Variants in SPOCK1 observed in about 807,000 individuals in gnomAD.
The protein encoded by SPOCK1 is testican-1.
In SPOCK1, 23 loss-of-function variants were observed where a neutral mutation model predicts 55.3. The observed-to-expected ratio is 0.42, with a 90% confidence interval of 0.30 to 0.59. The LOEUF (loss-of-function observed/expected upper bound fraction) is 0.59. Ranked by LOEUF, SPOCK1 falls within the 20% of genes least tolerant of loss-of-function variation. The pLI is 0.22. For synonymous variants in SPOCK1, 226 were observed against 221.0 expected (o/e 1.02, Z -0.20); for missense variants, 499 against 552.5 (o/e 0.90, Z 0.97).
chr5:137,174,991 T>C (rs1256501425), intron 3 of SPOCK1, among the ~76,000 whole-genome samples: 4 of 152,202 alleles, frequency 2.6e-5, no homozygotes, highest in Non-Finnish European at 5.9e-5. Context: ...CAAACCCATG[T>C]ACCCGACCAC....
intron 2 of SPOCK1, among the ~76,000 whole-genome samples, chr5:137,275,159 T>C (rs558081752): frequency 1.3e-5 from 2 of 152,354 alleles, no homozygotes; most frequent in African/African-American, 2.4e-5. Flanking sequence ...TGCCATCTTA[T>C]AGCTTATAGC....
chr5:137,455,985 A>C (rs1019431460), intron 2 of SPOCK1, among the ~76,000 whole-genome samples: 7 of 152,148 alleles, frequency 4.6e-5, no homozygotes, highest in African/African-American at 1.4e-4. Context: ...CTATGATCAC[A>C]CCACTGCACT....
intron 5 of SPOCK1, among the ~76,000 whole-genome samples, chr5:137,077,034 C>G (rs1373169940): frequency 2.0e-5 from 3 of 152,154 alleles, no homozygotes; most frequent in Admixed American, 6.5e-5. Flanking sequence ...TGCCATTCTC[C>G]TGCCTCACCC....
At chr5:137,462,596 A>C (rs181992947) in intron 2 of SPOCK1, among the ~76,000 whole-genome samples, 4 of 152,310 alleles carry the variant, frequency 2.6e-5, no homozygotes, top group Non-Finnish European at 1.5e-5. Context: ...CCTTATCTGA[A>C]AAAAATGAGG....
At chr5:137,074,246 T>C (rs886279675) in intron 5 of SPOCK1, among the ~76,000 whole-genome samples, 3 of 152,220 alleles carry the variant, frequency 2.0e-5, no homozygotes, top group Non-Finnish European at 2.9e-5. Flanking sequence ...CTAATAATTA[T>C]TATACAAAAC....
intron 3 of SPOCK1, among the ~76,000 whole-genome samples, chr5:137,162,021 T>C (rs1278842836): frequency 6.6e-6 from 1 of 152,200 alleles, no homozygotes; most frequent in African/African-American, 2.4e-5. Flanking sequence ...ATCTTTACTT[T>C]CAAGCTGGTA....
chr5:137,309,549 A>T (rs1370049838), intron 2 of SPOCK1, among the ~76,000 whole-genome samples: 4 of 152,174 alleles, frequency 2.6e-5, no homozygotes, highest in African/African-American at 9.7e-5. Context: ...TGGGACATGC[A>T]CTAAACACAT....
At chr5:136,993,817 C>T (rs1750992349) in intron 6 of SPOCK1, among the ~76,000 whole-genome samples, 2 of 152,320 alleles carry the variant, frequency 1.3e-5, no homozygotes, top group South Asian at 4.1e-4. Context: ...AAGGAGTAGA[C>T]ACAGCCTCAC....
chr5:137,468,093 A>C lies in SPOCK1; in HGVS notation c.186+30280T>G, dbSNP rs115091753. On this transcript the variant is annotated intron_variant, in intron 2 of 10. Transcript: ENST00000394945. Reference sequence around the variant, plus strand: ...CAATAGGACACACTGTCCCTAATCAAAATGAGATCTCACTCCAATGGATTG... The same window carrying C: ...CAATAGGACACACTGTCCCTAATCACAATGAGATCTCACTCCAATGGATTG... Among the ~76,000 whole-genome samples, 577 of 152,320 alleles carry C rather than the reference A, an allele frequency of 3.8e-3. 2 individuals carry two copies. Among genetic ancestry groups the C allele is most frequent in the African/African-American group, 0.013 (525 of 41,558 alleles).
intron 6 of SPOCK1, among the ~76,000 whole-genome samples, chr5:137,008,198 TTGA>T (rs1471133210): frequency 6.6e-6 from 1 of 151,432 alleles, no homozygotes; most frequent in African/African-American, 2.4e-5. Context: ...AGACGACAGG[TTGA>T]TGGGTGCAGC....
chr5:137,395,363 G>T lies in SPOCK1; in HGVS notation c.186+103010C>A, dbSNP rs910853624. Among the ~76,000 whole-genome samples the T allele has an allele frequency of 2.6e-5, 4 of 152,178 alleles. No homozygotes were observed. In the South Asian group the frequency reaches 6.2e-4, roughly 24 times the overall value. On this transcript the variant is annotated intron_variant, in intron 2 of 10. Coordinates refer to ENST00000394945, the MANE Select transcript of SPOCK1 (RefSeq NM_004598.4). ...CACAAGCCATCCCACCTGATCTTTG[G>T]AATTAAAACCACATTTCTCTTCAGA...
At chr5:137,082,236 G>A (rs1020905554) in intron 5 of SPOCK1, among the ~76,000 whole-genome samples, 1 of 152,220 alleles carries the variant, frequency 6.6e-6, no homozygotes, top group Non-Finnish European at 1.5e-5. Context: ...AAACTCACAA[G>A]GCTAGGTGGG....
intron 5 of SPOCK1, among the ~76,000 whole-genome samples, chr5:137,098,656 C>T (rs1753201069): frequency 6.6e-6 from 1 of 152,244 alleles, no homozygotes; most frequent in Non-Finnish European, 1.5e-5. Context: ...TTCCCATCAC[C>T]TACATGGCTG....
intron 2 of SPOCK1, among the ~76,000 whole-genome samples, chr5:137,318,130 C>T (rs1274866315): frequency 6.6e-6 from 1 of 152,150 alleles, no homozygotes; most frequent in African/African-American, 2.4e-5. Context: ...CTTCCTGTCC[C>T]ACTGCATTTT....
intron 2 of SPOCK1, among the ~76,000 whole-genome samples, chr5:137,466,360 T>G (rs1467042738): frequency 6.6e-6 from 1 of 152,224 alleles, no homozygotes; most frequent in Non-Finnish European, 1.5e-5. Context: ...AAGGGGCTTA[T>G]TTCAGCTCCT....
At chr5:137,271,477 A>G (rs917356988) in intron 2 of SPOCK1, among the ~76,000 whole-genome samples, 3 of 151,816 alleles carry the variant, frequency 2.0e-5, no homozygotes, top group Admixed American at 2.0e-4. Flanking sequence ...TCTATAATGC[A>G]TCTTCCAATG....
intron 2 of SPOCK1, among the ~76,000 whole-genome samples, chr5:137,472,931 G>C (rs1213912462): frequency 6.6e-6 from 1 of 152,170 alleles, no homozygotes; most frequent in African/African-American, 2.4e-5. Context: ...TATCCTGCTT[G>C]CAAAAGCCCA....
intron 6 of SPOCK1, among the ~76,000 whole-genome samples, chr5:137,056,596 A>AT (rs34976496): frequency 0.2 from 29,148 of 147,346 alleles, 3,100 homozygotes; most frequent in Admixed American, 0.24. Flanking sequence ...AAGGACTTTT[A>AT]TTTTTTTTTT....
intron 3 of SPOCK1, among the ~76,000 whole-genome samples, chr5:137,196,980 A>T (rs919933811): frequency 1.3e-5 from 2 of 152,142 alleles, no homozygotes; most frequent in African/African-American, 4.8e-5. Flanking sequence ...TAACCTAGTC[A>T]CCCCGGAGCT....
Sources: gnomAD v4.1 joint callset for allele counts (sites outside exome capture counted in the v4.1 genomes callset) on GRCh38, gnomAD v4.1.1 for gene constraint, MANE v1.5 for transcripts, NCBI Gene and HGNC (gene_info 2026-07-23, HGNC 2026-07-21) for gene names.